The following TMEM26 variants were observed in gnomAD, a reference collection of about 807,000 sequenced individuals.
TMEM26 encodes transmembrane protein 26.
Under a neutral mutation model 28.8 loss-of-function variants are expected in TMEM26, and 38 were observed. The ratio of observed to expected loss-of-function variants is 1.32; its 90% CI spans 1.02 to 1.73. TMEM26 has a LOEUF of 1.73. Among genes scored for constraint, TMEM26 ranks in the 40% most tolerant of loss-of-function variants. The pLI, the probability that TMEM26 is intolerant of heterozygous loss-of-function variation, is 0.00. For missense variants in TMEM26, 518 were observed against 447.1 expected (o/e 1.16, Z -1.43); for synonymous variants, 227 against 182.9 (o/e 1.24, Z -1.95).
At chr10:61,452,841 G>C in intron 1 of TMEM26, 50 bp downstream of exon 1, 1 of 1,579,310 alleles carries the variant, frequency 6.3e-7, no homozygotes, top group South Asian at 1.1e-5. Flanking sequence ...TGCGGTGGGG[G>C]ACAATACCCT....
intron 1 of TMEM26, among the ~76,000 whole-genome samples, chr10:61,451,794 T>A (rs1428852627): frequency 1.3e-5 from 2 of 152,180 alleles, no homozygotes; most frequent in East Asian, 3.8e-4. Flanking sequence ...TCACATCATC[T>A]TCAGAGGCAA....
In TMEM26 at chr10:61,453,197, T is replaced by C; in HGVS notation, c.-116A>G. On this transcript the variant is annotated 5_prime_UTR_variant, in exon 1 of 6. Coordinates refer to ENST00000399298, the MANE Select transcript of TMEM26 (RefSeq NM_178505.8). ...ACAAGCACTGAGACCTGCTGCTGCTTGTGGTCCCTTCTCACCCTCAGCGCC... is the reference window on the plus strand; with the variant it reads ...ACAAGCACTGAGACCTGCTGCTGCTCGTGGTCCCTTCTCACCCTCAGCGCC... 9.1e-7 allele frequency: 1 copy of C among 1,093,512 alleles called. No individual in the cohort carries two copies. 67.7% of individuals were successfully genotyped at this position (1,093,512 alleles called of 1,614,324 possible). A position where few individuals can be genotyped will look rare whatever the true frequency, so the allele number is the denominator to read the frequency against.
Position 61,431,214 on chromosome 10 carries a change from C to T in TMEM26, c.384+5G>A, listed in dbSNP as rs1421805453. 2.5e-6 allele frequency: 4 copies of T among 1,609,720 alleles called. No individual in the cohort carries two copies. The highest frequency in any genetic ancestry group is 3.4e-6 in the Non-Finnish European group (4 of 1,176,398). The stretch of plus-strand genomic sequence containing the variant: ...TCCTTTAATAAACAGTGGAAAAGCT[C>T]TCACCGTCTCAATGAGATCATCAGC... On this transcript the variant is annotated splice_donor_5th_base_variant and intron_variant, in intron 3 of 5. Transcript: ENST00000399298.
intron 4 of TMEM26, chr10:61,414,012 T>C: frequency 1.0e-6 from 1 of 987,526 alleles, no homozygotes; most frequent in African/African-American, 1.7e-5. Flanking sequence ...TGTCATTAGA[T>C]AGGAAAAAGG....
At chr10:61,420,849 GT>G (rs1400706415) in intron 4 of TMEM26, among the ~76,000 whole-genome samples, 8 of 152,026 alleles carry the variant, frequency 5.3e-5, no homozygotes, top group African/African-American at 1.9e-4. Flanking sequence ...GAGAAATGAA[GT>G]GCATGAAAAT....
rs539628149 is a variant in TMEM26 at position 61,436,371 on chromosome 10, G to A, written c.192-123C>T. On this transcript the variant is annotated intron_variant, in intron 1 of 5. Coordinates refer to ENST00000399298, the MANE Select transcript of TMEM26 (RefSeq NM_178505.8). ...CGACCACATTGAGTCAAACCTTTTC[G>A]TATAACTTCAAAGTGTTTATTTCAA... 6.4e-4 allele frequency: 354 copies of A among 549,082 alleles called. 1 individual carries two copies. The highest frequency in any genetic ancestry group is 3.5e-3 in the Middle Eastern group (7 of 2,016). 34.0% of individuals were successfully genotyped at this position (549,082 alleles called of 1,614,324 possible).
chr10:61,432,789 C>T (rs1222486910), intron 2 of TMEM26, among the ~76,000 whole-genome samples: 2 of 151,936 alleles, frequency 1.3e-5, no homozygotes, highest in African/African-American at 2.4e-5. Flanking sequence ...TCTTTCCAAA[C>T]GACTAGTATT....
chr10:61,414,327 A>C (rs1265836008), intron 4 of TMEM26: 2 of 152,410 alleles, frequency 1.3e-5, no homozygotes, highest in Non-Finnish European at 2.9e-5. Flanking sequence ...AAAGGAAGTC[A>C]TCAATTTGAG....
Position 61,407,236 on chromosome 10 carries a change from A to G in TMEM26, c.*3086T>C, listed in dbSNP as rs932428014. On this transcript the variant is annotated 3_prime_UTR_variant, in exon 6 of 6. Transcript: ENST00000399298. ...TGCACCTACAAATGCATGCCTTTCCAGAGCTTTGGAAATGTTCAATTAAAT... is the reference window on the plus strand; with the variant it reads ...TGCACCTACAAATGCATGCCTTTCCGGAGCTTTGGAAATGTTCAATTAAAT... 2.0e-5 allele frequency: 3 copies of G among 152,196 alleles called. No individual in the cohort carries two copies. Among genetic ancestry groups the G allele is most frequent in the African/African-American group, 4.8e-5 (2 of 41,458 alleles). 9.4% of individuals were successfully genotyped at this position (152,196 alleles called of 1,614,324 possible).
chr10:61,419,648 GT>G (rs1839710825), intron 4 of TMEM26, among the ~76,000 whole-genome samples: 1 of 151,968 alleles, frequency 6.6e-6, no homozygotes, highest in Non-Finnish European at 1.5e-5. Flanking sequence ...AAGACACAGA[GT>G]AAAAAAAGAT....
At chr10:61,426,560 T>C (rs1839836480) in intron 4 of TMEM26, among the ~76,000 whole-genome samples, 1 of 152,078 alleles carries the variant, frequency 6.6e-6, no homozygotes, top group Non-Finnish European at 1.5e-5. Flanking sequence ...ATTTGACATA[T>C]TAGCTAGAAA....
intron 1 of TMEM26, among the ~76,000 whole-genome samples, chr10:61,451,389 G>T (rs1432988780): frequency 2.6e-5 from 4 of 152,308 alleles, no homozygotes; most frequent in Non-Finnish European, 2.9e-5. Flanking sequence ...CTGGCGGTTG[G>T]TGGCAGGACT....
At chr10:61,415,243 T>C (rs1190909162) in intron 4 of TMEM26, 4 of 706,762 alleles carry the variant, frequency 5.7e-6, no homozygotes, top group East Asian at 1.3e-4. Flanking sequence ...CTAATTGTTA[T>C]CTAATTATGA....
At chr10:61,440,979 C>T (rs1003945215) in intron 1 of TMEM26, among the ~76,000 whole-genome samples, 1 of 152,186 alleles carries the variant, frequency 6.6e-6, no homozygotes, top group African/African-American at 2.4e-5. Context: ...CTCTACATTA[C>T]TTATAATACC....
chr10:61,443,219 G>A (rs1056940494), intron 1 of TMEM26, among the ~76,000 whole-genome samples: 4 of 151,614 alleles, frequency 2.6e-5, no homozygotes, highest in Non-Finnish European at 2.9e-5. Flanking sequence ...TTGAGAGGCC[G>A]AGGTGGGCGG....
chr10:61,415,200 C>T, intron 4 of TMEM26: 2 of 976,380 alleles, frequency 2.0e-6, no homozygotes, highest in Non-Finnish European at 2.4e-6. Context: ...CATTTCACAG[C>T]AGCAGCCATA....
intron 4 of TMEM26, among the ~76,000 whole-genome samples, chr10:61,417,220 G>A (rs1254651156): frequency 2.0e-5 from 3 of 151,970 alleles, no homozygotes; most frequent in Non-Finnish European, 4.4e-5. Flanking sequence ...CATGTAAGCA[G>A]ACAATGACTT....
At chr10:61,422,679 T>C (rs1488033048) in intron 4 of TMEM26, among the ~76,000 whole-genome samples, 1 of 152,090 alleles carries the variant, frequency 6.6e-6, no homozygotes, top group African/African-American at 2.4e-5. Context: ...ACACTTCAGA[T>C]GTCTGTAATA....
intron 4 of TMEM26, among the ~76,000 whole-genome samples, chr10:61,419,212 T>A (rs1226745127): frequency 6.6e-6 from 1 of 152,098 alleles, no homozygotes; most frequent in African/African-American, 2.4e-5. Flanking sequence ...ATGGTTATAA[T>A]ACATTATCCA....
Sources: allele counts gnomAD v4.1 joint callset (sites outside exome capture counted in the v4.1 genomes callset), GRCh38; gene constraint gnomAD v4.1.1; transcripts MANE v1.5; gene names NCBI Gene and HGNC (gene_info 2026-07-23, HGNC 2026-07-21).